Variants in FBN1 observed in about 807,000 individuals in gnomAD.
The protein encoded by FBN1 is fibrillin 1.
A neutral mutation model predicts 365.1 loss-of-function variants in FBN1; 29 were observed. That is an observed-to-expected ratio of 0.08 (90% CI 0.06 to 0.11). The LOEUF is 0.11. Among genes scored for constraint, FBN1 ranks in the 10% least tolerant of loss-of-function variants. The probability of loss-of-function intolerance (pLI) is 1.00; values close to 1 mark genes in which losing one functional copy is unlikely to be tolerated. For missense variants in FBN1, 2,476 were observed against 3,703.2 expected (o/e 0.67, Z 8.60); for synonymous variants, 1,210 against 1,270.5 (o/e 0.95, Z 1.01).
chr15:48,495,710 T>C (rs2043601942), intron 20 of FBN1, 122 bp from the exon 21 acceptor site: 7 of 1,245,730 alleles, frequency 5.6e-6, no homozygotes, highest in Admixed American at 1.8e-5. Context: ...CTGGGCTAAA[T>C]AGTTTTTCCT....
chr15:48,453,634 A>G (rs1019221340), intron 44 of FBN1, among the ~76,000 whole-genome samples: 1 of 152,192 alleles, frequency 6.6e-6, no homozygotes, highest in East Asian at 1.9e-4. Context: ...AGCGAGCTCT[A>G]ATGTAAATCA....
At chr15:48,505,286 C>T in intron 15 of FBN1, 139 bp from the exon 16 acceptor site, 1 of 981,150 alleles carries the variant, frequency 1.0e-6, no homozygotes, top group South Asian at 1.4e-5. Context: ...GCTCAAATGG[C>T]ATTCTCATTT....
chr15:48,447,601 T>C (rs1011008310), intron 46 of FBN1, among the ~76,000 whole-genome samples: 2 of 152,044 alleles, frequency 1.3e-5, no homozygotes, highest in African/African-American at 4.8e-5. Context: ...AAAAATTTAA[T>C]GAAAGAAAGT....
At chr15:48,634,838 CA>C (rs750793468) in intron 2 of FBN1, among the ~76,000 whole-genome samples, 4,538 of 39,288 alleles carry the variant, frequency 0.12, 105 homozygotes, top group Middle Eastern at 0.23. Context: ...AAGAAGAAAC[CA>C]AAAAAAAAAA....
intron 2 of FBN1, among the ~76,000 whole-genome samples, chr15:48,638,737 G>A (rs1170801969): frequency 1.3e-5 from 2 of 151,818 alleles, no homozygotes; most frequent in Non-Finnish European, 2.9e-5. Flanking sequence ...ATGACTGGTC[G>A]TGATTTAAGA....
chr15:48,610,641 G>A, intron 4 of FBN1, 87 bp downstream of exon 4: 2 of 994,688 alleles, frequency 2.0e-6, no homozygotes, highest in African/African-American at 1.6e-5. Context: ...TGTATTGCAG[G>A]AAAGAGGAAA....
intron 5 of FBN1, among the ~76,000 whole-genome samples, chr15:48,598,551 C>G (rs1461459737): frequency 1.3e-5 from 2 of 152,174 alleles, no homozygotes; most frequent in African/African-American, 4.8e-5. Flanking sequence ...CTCTCCTCTG[C>G]ATTTAAGCTC....
At chr15:48,637,028 G>GT (rs559361273) in intron 2 of FBN1, among the ~76,000 whole-genome samples, 79 of 152,278 alleles carry the variant, frequency 5.2e-4, no homozygotes, top group Admixed American at 1.0e-3. Context: ...TTCGTGTATG[G>GT]TAAGTTTGAA....
chr15:48,530,515 C>A (rs1378346374), intron 8 of FBN1, among the ~76,000 whole-genome samples: 2 of 152,016 alleles, frequency 1.3e-5, no homozygotes, highest in African/African-American at 4.8e-5. Flanking sequence ...AGGACGGGAG[C>A]CAGGCCTGCC....
In FBN1 at chr15:48,430,582, A is replaced by C. The variant is rs186333342; in HGVS notation, c.6871+89T>G. The C allele has an allele frequency of 1.6e-4, 247 of 1,498,356 alleles. 3 individuals carry two copies. In the East Asian group the frequency reaches 5.3e-3, roughly 32 times the overall value. The allele number at this position is 1,498,356 out of a possible 1,614,324, so 92.8% of individuals were successfully genotyped here. ...GAGAACAAAATGGGTCTCGCCAAGA[A>C]CAGTATCCCAAGAACTCAGAGCCCA... On this transcript the variant is annotated intron_variant, in intron 56 of 65. Transcript: ENST00000316623.
At chr15:48,432,742 G>A (rs897305389) in intron 55 of FBN1, 124 bp downstream of exon 55, 20 of 1,294,548 alleles carry the variant, frequency 1.5e-5, no homozygotes, top group East Asian at 9.4e-5. Context: ...GACAACCCCC[G>A]TATTGTCCAC....
chr15:48,493,370 A>G (rs2043577823), intron 23 of FBN1, among the ~76,000 whole-genome samples: 2 of 152,196 alleles, frequency 1.3e-5, no homozygotes, highest in South Asian at 4.1e-4. Flanking sequence ...CTGTGTCTCT[A>G]TTTAGAAGAA....
intron 6 of FBN1, among the ~76,000 whole-genome samples, chr15:48,547,419 G>C (rs1449801940): frequency 6.6e-6 from 1 of 152,128 alleles, no homozygotes; most frequent in East Asian, 1.9e-4. Context: ...AGCTTTAGCT[G>C]CCAGCCCTGA....
chr15:48,494,984 T>G, intron 22 of FBN1, 139 bp downstream of exon 22: 1 of 925,382 alleles, frequency 1.1e-6, no homozygotes, highest in Non-Finnish European at 1.7e-6. Flanking sequence ...TATTTCCCAT[T>G]CAGCAATATG....
chr15:48,446,872 G>T, intron 46 of FBN1, 50 bp from the exon 47 acceptor site: 1 of 1,239,226 alleles, frequency 8.1e-7, no homozygotes, highest in South Asian at 1.2e-5. Context: ...TAGAAAAAGT[G>T]GTTACACGGT....
rs535605400 is a variant in FBN1, at chr15:48,527,076, C to T, written c.863-821G>A. ...TCCGATTCCCCAATTCCTTCTGGGG[C>T]CAGTGGAGGCTGTTGATGGGCTGCA... On this transcript the variant is annotated intron_variant, in intron 8 of 65. Coordinates refer to ENST00000316623, the MANE Select transcript of FBN1 (RefSeq NM_000138.5). Among the ~76,000 whole-genome samples the T allele has an allele frequency of 1.1e-3, 175 of 152,322 alleles. 1 individual carries two copies. Among genetic ancestry groups the T allele is most frequent in the African/African-American group, 4.1e-3 (170 of 41,566 alleles).
intron 5 of FBN1, among the ~76,000 whole-genome samples, chr15:48,596,960 C>T (rs570215671): frequency 6.6e-6 from 1 of 152,318 alleles, no homozygotes; most frequent in South Asian, 2.1e-4. Context: ...TTAGAAATGA[C>T]ATTAAAATAA....
intron 63 of FBN1, chr15:48,416,546 T>C (rs1174688530): frequency 6.6e-6 from 1 of 152,590 alleles, no homozygotes; most frequent in East Asian, 1.9e-4. Flanking sequence ...CAAGCAGTAA[T>C]TGGGGAAAAC....
At chr15:48,585,339 C>T (rs2044427510) in intron 6 of FBN1, among the ~76,000 whole-genome samples, 1 of 152,216 alleles carries the variant, frequency 6.6e-6, no homozygotes, top group Admixed American at 6.5e-5. Context: ...ACTTATAAAG[C>T]TCTTCTCAAA....
Sources: allele counts gnomAD v4.1 joint callset (sites outside exome capture counted in the v4.1 genomes callset), GRCh38; gene constraint gnomAD v4.1.1; transcripts MANE v1.5; gene names NCBI Gene and HGNC (gene_info 2026-07-23, HGNC 2026-07-21).